Variants in MARK1 observed in about 807,000 individuals in gnomAD.
MARK1 encodes the protein serine/threonine-protein kinase MARK1.
MARK1 carries 40 observed loss-of-function variants against 96.3 expected under a neutral mutation model. The ratio of observed to expected loss-of-function variants is 0.42; its 90% CI spans 0.32 to 0.54. The LOEUF (loss-of-function observed/expected upper bound fraction) is 0.54. Among genes scored for constraint, MARK1 ranks in the 20% least tolerant of loss-of-function variants. The probability of loss-of-function intolerance (pLI) is 0.16; values close to 1 mark genes in which losing one functional copy is unlikely to be tolerated. For missense variants in MARK1, 719 were observed against 984.6 expected (o/e 0.73, Z 3.61); for synonymous variants, 317 against 341.2 (o/e 0.93, Z 0.78).
intron 3 of MARK1, among the ~76,000 whole-genome samples, chr1:220,594,548 G>A (rs1293638318): frequency 1.3e-5 from 2 of 152,106 alleles, no homozygotes; most frequent in Non-Finnish European, 2.9e-5. Context: ...GAAAACTTAC[G>A]TCCACACAGA....
intron 9 of MARK1, among the ~76,000 whole-genome samples, chr1:220,629,012 T>G (rs2378401): frequency 0.81 from 123,091 of 151,958 alleles, 50,664 homozygotes; most frequent in African/African-American, 0.95. Flanking sequence ...TTAGAGATCT[T>G]CCCTGGATTT....
chr1:220,586,117 T>C (rs1473598372), intron 3 of MARK1, among the ~76,000 whole-genome samples: 1 of 152,198 alleles, frequency 6.6e-6, no homozygotes, highest in Non-Finnish European at 1.5e-5. Flanking sequence ...TTGTTTAAGC[T>C]TTCAGATGGC....
At chr1:220,541,763 T>C (rs1261198786) in intron 1 of MARK1, among the ~76,000 whole-genome samples, 1 of 152,242 alleles carries the variant, frequency 6.6e-6, no homozygotes, top group Non-Finnish European at 1.5e-5. Flanking sequence ...ATTTTTAGCC[T>C]GTGGGTGTCC....
intron 13 of MARK1, among the ~76,000 whole-genome samples, chr1:220,644,463 AC>A (rs1668472509): frequency 1.1e-5 from 1 of 87,370 alleles, no homozygotes; most frequent in Admixed American, 1.3e-4. Context: ...CCCCCCCCCC[AC>A]ACACACACAA....
chr1:220,576,194 C>G (rs1040541689), intron 1 of MARK1, among the ~76,000 whole-genome samples: 1 of 151,282 alleles, frequency 6.6e-6, no homozygotes, highest in Non-Finnish European at 1.5e-5. Context: ...GTGGCTTAAA[C>G]CAAGAACCAT....
intron 1 of MARK1, among the ~76,000 whole-genome samples, chr1:220,568,869 GTA>G (rs747364540): frequency 1.3e-5 from 2 of 152,100 alleles, no homozygotes; most frequent in Non-Finnish European, 2.9e-5. Flanking sequence ...AATAAATATT[GTA>G]TGTGTTCATC....
At chr1:220,599,184 C>T (rs910102730) in intron 4 of MARK1, among the ~76,000 whole-genome samples, 1 of 152,010 alleles carries the variant, frequency 6.6e-6, no homozygotes, top group Non-Finnish European at 1.5e-5. Flanking sequence ...TGCAAATAAA[C>T]GTATTGATTA....
intron 16 of MARK1, 98 bp downstream of exon 16, chr1:220,653,450 TTC>T: frequency 5.7e-6 from 7 of 1,227,122 alleles, no homozygotes; most frequent in Non-Finnish European, 6.6e-6. Context: ...CTAAAATGGT[TTC>T]ATAACATTTC....
At chr1:220,532,969 C>T (rs576463465) in intron 1 of MARK1, among the ~76,000 whole-genome samples, 41 of 151,598 alleles carry the variant, frequency 2.7e-4, no homozygotes, top group African/African-American at 8.0e-4. Context: ...AAGATCACAC[C>T]GCTGCACTCC....
chr1:220,604,008 T>C (rs1446782479), intron 5 of MARK1, 59 bp from the exon 6 acceptor site: 1 of 1,099,330 alleles, frequency 9.1e-7, no homozygotes, highest in Non-Finnish European at 1.3e-6. Flanking sequence ...TGACATTGCA[T>C]ATATTGTTAA....
At chr1:220,609,996 T>C (rs528260250) in intron 6 of MARK1, among the ~76,000 whole-genome samples, 2 of 152,322 alleles carry the variant, frequency 1.3e-5, no homozygotes, top group Admixed American at 6.5e-5. Flanking sequence ...TTTCCTTCAT[T>C]TCAACCTTGG....
At chr1:220,545,700 A>C (rs1410960419) in intron 1 of MARK1, among the ~76,000 whole-genome samples, 2 of 152,044 alleles carry the variant, frequency 1.3e-5, no homozygotes, top group African/African-American at 4.8e-5. Context: ...TCTGTCTCCC[A>C]AATTGCTGAA....
chr1:220,649,507 G>A (rs1668758327), intron 13 of MARK1, among the ~76,000 whole-genome samples: 1 of 152,120 alleles, frequency 6.6e-6, no homozygotes, highest in Non-Finnish European at 1.5e-5. Context: ...AGGATTAGAG[G>A]CATGAGCCAT....
intron 1 of MARK1, chr1:220,571,768 C>T (rs544310116): frequency 6.6e-6 from 1 of 152,152 alleles, no homozygotes; most frequent in Non-Finnish European, 1.5e-5. Context: ...GTTGCCCAGG[C>T]TGGAATGCAG....
At chr1:220,540,962 C>G (rs529491095) in intron 1 of MARK1, among the ~76,000 whole-genome samples, 1 of 150,826 alleles carries the variant, frequency 6.6e-6, no homozygotes, top group Non-Finnish European at 1.5e-5. Context: ...GAGATAGAGT[C>G]TTGCTCTGTC....
intron 3 of MARK1, among the ~76,000 whole-genome samples, chr1:220,584,499 A>G (rs777587650): frequency 3.3e-5 from 5 of 152,226 alleles, no homozygotes; most frequent in Non-Finnish European, 5.9e-5. Flanking sequence ...TAATCAAGTT[A>G]CCGCTCGTGT....
chr1:220,528,557 C>A lies in MARK1; in HGVS notation c.-266C>A. On this transcript the variant is annotated 5_prime_UTR_variant, in exon 1 of 18. Coordinates refer to ENST00000366917, the MANE Select transcript of MARK1 (RefSeq NM_018650.5). ...GCCAGCCTCGCCGCCCCGCCAGCGC[C>A]GGGCAACCGCCTCGCCCGAAGCCCT... 2.2e-6 allele frequency: 1 copy of A among 459,514 alleles called. No homozygotes were observed. The highest frequency in any genetic ancestry group is 3.6e-5 in the South Asian group (1 of 27,848). 28.5% of individuals were successfully genotyped at this position (459,514 alleles called of 1,614,324 possible).
chr1:220,545,067 G>T (rs1194944066), intron 1 of MARK1, among the ~76,000 whole-genome samples: 1 of 152,182 alleles, frequency 6.6e-6, no homozygotes, highest in Non-Finnish European at 1.5e-5. Flanking sequence ...AGGCGGGCCA[G>T]GTGCTCAAGA....
At chr1:220,613,972 T>G (rs962678185) in intron 6 of MARK1, among the ~76,000 whole-genome samples, 1 of 152,060 alleles carries the variant, frequency 6.6e-6, no homozygotes, top group Admixed American at 6.6e-5. Context: ...TTTTGTGGGG[T>G]TTATTTTGTT....
Sources: allele counts gnomAD v4.1 joint callset (sites outside exome capture counted in the v4.1 genomes callset), GRCh38; gene constraint gnomAD v4.1.1; transcripts MANE v1.5; gene names NCBI Gene and HGNC (gene_info 2026-07-23, HGNC 2026-07-21).